ULK4: variants seen among roughly 807,000 people sequenced by gnomAD.
ULK4 encodes inactive serine/threonine-protein kinase ULK4.
Under a neutral mutation model 160.6 loss-of-function variants are expected in ULK4, and 133 were observed. The observed-to-expected ratio is 0.83, with a 90% CI of 0.72 to 0.96. The LOEUF is 0.96. Ranked by LOEUF, ULK4 falls within the 40% of genes least tolerant of loss-of-function variation. The probability of loss-of-function intolerance (pLI) is 0.00; values close to 1 mark genes in which losing one functional copy is unlikely to be tolerated. For synonymous variants in ULK4, 534 were observed against 539.8 expected (o/e 0.99, Z 0.15); for missense variants, 1,580 against 1,499.5 (o/e 1.05, Z -0.89).
intron 19 of ULK4, among the ~76,000 whole-genome samples, chr3:41,811,457 TG>T (rs1361298031): frequency 6.6e-6 from 1 of 152,224 alleles, no homozygotes; most frequent in Non-Finnish European, 1.5e-5. Context: ...CCATGGCACC[TG>T]GCCAAACATG....
rs201217383 is a variant in ULK4, at chr3:41,896,905, G to C, written c.1447C>G (p.Arg483Gly). 2 of 1,613,276 alleles carry C rather than the reference G, an allele frequency of 1.2e-6. No homozygotes were observed. The highest frequency in any genetic ancestry group is 1.7e-5 in the Admixed American group (1 of 59,974). Residue 483 changes from arginine to glycine, a missense_variant, in exon 15 of 37, where the codon CGA (arginine) becomes GGA (glycine). Arg to Gly is a moderately radical substitution (Grantham distance 125). Coordinates refer to ENST00000301831, the MANE Select transcript of ULK4 (RefSeq NM_017886.4). Reference protein sequence around the residue: ...DSTEKSMGASRAKLNLLCYLC... With the variant: ...DSTEKSMGASGAKLNLLCYLC... ...TAGCAAAGGAGATTCAGCTTGGCTC[G>C]GGAGGCCCCCATGCTCTTCTCAGTG...
At chr3:41,598,282 C>T (rs767831860) in intron 31 of ULK4, among the ~76,000 whole-genome samples, 2 of 141,772 alleles carry the variant, frequency 1.4e-5, no homozygotes, top group Non-Finnish European at 3.1e-5. Context: ...GCAAACTAAA[C>T]CCTCTAAAAT....
intron 2 of ULK4, among the ~76,000 whole-genome samples, chr3:41,948,346 G>A (rs1029932386): frequency 6.6e-6 from 1 of 152,118 alleles, no homozygotes; most frequent in Non-Finnish European, 1.5e-5. Flanking sequence ...AGCAACTCAG[G>A]AGGCTGGGGC....
chr3:41,768,460 T>G (rs1304348982), intron 21 of ULK4, among the ~76,000 whole-genome samples: 2 of 152,182 alleles, frequency 1.3e-5, no homozygotes, highest in Admixed American at 1.3e-4. Flanking sequence ...GTCATGTAGA[T>G]TCTACCTTGT....
At position 41,731,837 on chromosome 3, in the gene ULK4, T is replaced by C. The variant is rs569058678; in HGVS notation, c.2322-13976A>G. Among the ~76,000 whole-genome samples the C allele has an allele frequency of 1.1e-4, 17 of 152,196 alleles. No individual in the cohort carries two copies. The East Asian group carries it at 1.9e-3, about 17-fold the overall frequency. On this transcript the variant is annotated intron_variant, in intron 22 of 36. Coordinates refer to ENST00000301831, the MANE Select transcript of ULK4 (RefSeq NM_017886.4). Reference sequence around the variant, plus strand: ...ACACAAAAGTAAATCCACACAATTATAGCCAGCTGATTTTCAACAAAGATA... The same window carrying C: ...ACACAAAAGTAAATCCACACAATTACAGCCAGCTGATTTTCAACAAAGATA...
intron 35 of ULK4, among the ~76,000 whole-genome samples, chr3:41,372,412 AC>A (rs1288059230): frequency 6.6e-6 from 1 of 152,236 alleles, no homozygotes; most frequent in African/African-American, 2.4e-5. Context: ...CGGGTTACCC[AC>A]AAAGGGAAGC....
chr3:41,729,075 T>C (rs2037742057), intron 22 of ULK4, among the ~76,000 whole-genome samples: 1 of 152,170 alleles, frequency 6.6e-6, no homozygotes, highest in East Asian at 1.9e-4. Context: ...CCATTTTGAC[T>C]AGAGTATCTG....
chr3:41,739,752 C>T (rs1015467785), intron 22 of ULK4, among the ~76,000 whole-genome samples: 13 of 151,992 alleles, frequency 8.6e-5, no homozygotes, highest in African/African-American at 2.9e-4. Context: ...CTTCTCCAGC[C>T]ACCCAGGGCT....
At chr3:41,773,392 C>T (rs1404777683) in intron 21 of ULK4, among the ~76,000 whole-genome samples, 20 of 152,184 alleles carry the variant, frequency 1.3e-4, no homozygotes, top group African/African-American at 2.2e-4. Context: ...ACAAAATCAA[C>T]GTGCAAAAAT....
intron 35 of ULK4, among the ~76,000 whole-genome samples, chr3:41,371,482 G>A (rs541855747): frequency 6.6e-6 from 1 of 152,296 alleles, no homozygotes; most frequent in Admixed American, 6.5e-5. Flanking sequence ...TGCAGCCTCT[G>A]CTGGTGATAC....
chr3:41,671,726 T>C (rs1028369232), intron 29 of ULK4, among the ~76,000 whole-genome samples: 1 of 152,034 alleles, frequency 6.6e-6, no homozygotes, highest in Non-Finnish European at 1.5e-5. Context: ...CAAATGGGAC[T>C]ATATTAAACT....
At chr3:41,868,416 C>G (rs1696972590) in intron 17 of ULK4, among the ~76,000 whole-genome samples, 1 of 152,114 alleles carries the variant, frequency 6.6e-6, no homozygotes, top group Admixed American at 6.6e-5. Context: ...ACTAGTGTTT[C>G]CATGGTATAT....
At chr3:41,582,935 TCTTA>T (rs1386162694) in intron 31 of ULK4, among the ~76,000 whole-genome samples, 1 of 152,212 alleles carries the variant, frequency 6.6e-6, no homozygotes, top group Non-Finnish European at 1.5e-5. Flanking sequence ...CATCAATAAG[TCTTA>T]CTTTTGTTTT....
At chr3:41,272,508 T>A (rs1337061665) in intron 35 of ULK4, among the ~76,000 whole-genome samples, 1 of 152,120 alleles carries the variant, frequency 6.6e-6, no homozygotes, top group Non-Finnish European at 1.5e-5. Context: ...TAATGCTTCC[T>A]TTTCCACTGG....
intron 32 of ULK4, among the ~76,000 whole-genome samples, chr3:41,516,712 G>T (rs2085760324): frequency 1.5e-5 from 2 of 136,898 alleles, no homozygotes; most frequent in African/African-American, 5.2e-5. Context: ...GGGGGTGGGG[G>T]AAGGTTGAGA....
rs988269773 is a variant in ULK4 at position 41,729,426 on chromosome 3, C to T, written c.2322-11565G>A. 4.5e-4 allele frequency among the ~76,000 whole-genome samples: 69 copies of T among 152,302 alleles called. 1 individual carries two copies. The highest frequency in any genetic ancestry group is 4.4e-3 in the Admixed American group (68 of 15,300). On this transcript the variant is annotated intron_variant, in intron 22 of 36. Coordinates refer to ENST00000301831, the MANE Select transcript of ULK4 (RefSeq NM_017886.4). ...ACATTGTGTCCTATTTTCCCCCTGA[C>T]CCAAGCTGCTACTGCATAATGCCAT...
intron 18 of ULK4, among the ~76,000 whole-genome samples, chr3:41,821,731 T>C (rs2041152892): frequency 6.6e-6 from 1 of 152,270 alleles, no homozygotes; most frequent in Middle Eastern, 3.4e-3. Context: ...TGGCCCCTTT[T>C]CACAACTATC....
At chr3:41,596,978 G>T (rs934144597) in intron 31 of ULK4, among the ~76,000 whole-genome samples, 1 of 152,044 alleles carries the variant, frequency 6.6e-6, no homozygotes, top group Non-Finnish European at 1.5e-5. Context: ...TGACTTCTAC[G>T]CTCTAGATAT....
chr3:41,811,058 T>A (rs1296067330), intron 19 of ULK4, among the ~76,000 whole-genome samples: 2 of 149,520 alleles, frequency 1.3e-5, no homozygotes, highest in Non-Finnish European at 1.5e-5. Flanking sequence ...TAATTTTAAA[T>A]TTTTTTTTTG....
Sources: gnomAD v4.1 joint callset for allele counts (sites outside exome capture counted in the v4.1 genomes callset) on GRCh38, gnomAD v4.1.1 for gene constraint, MANE v1.5 for transcripts, NCBI Gene and HGNC (gene_info 2026-07-23, HGNC 2026-07-21) for gene names.